The following TAFA1 variants were observed in gnomAD, a reference collection of about 807,000 sequenced individuals.
TAFA1 encodes the protein TAFA chemokine like family member 1.
Under a neutral mutation model 18.5 loss-of-function variants are expected in TAFA1, and 4 were observed. That is an observed-to-expected ratio of 0.22 (90% CI 0.11 to 0.49). TAFA1 has a LOEUF of 0.49. Among genes scored for constraint, TAFA1 ranks in the 20% least tolerant of loss-of-function variants. The pLI is 0.98. For synonymous variants in TAFA1, 56 were observed against 55.2 expected, an observed-to-expected ratio of 1.01 and a Z score of -0.06; for missense variants, 147 against 169.0, an observed-to-expected ratio of 0.87 and a Z score of 0.72.
rs377027684 is a variant in TAFA1 at position 68,469,401 on chromosome 3, G to A, written c.259+51981G>A. On this transcript the variant is annotated intron_variant, in intron 3 of 4. Coordinates refer to ENST00000478136, the MANE Select transcript of TAFA1 (RefSeq NM_213609.4). ...TTTGAAAAGTCAGAGAGGGCCGGGCGCAGTGGCTCACACCTGTAATTCCAG... is the reference window on the plus strand; with the variant it reads ...TTTGAAAAGTCAGAGAGGGCCGGGCACAGTGGCTCACACCTGTAATTCCAG... 7.2e-5 allele frequency among the ~76,000 whole-genome samples: 11 copies of A among 152,228 alleles called. No individual in the cohort carries two copies. The East Asian group carries it at 7.7e-4, about 11-fold the overall frequency.
At chr3:68,116,766 A>G (rs2065329516) in intron 2 of TAFA1, among the ~76,000 whole-genome samples, 2 of 152,198 alleles carry the variant, frequency 1.3e-5, no homozygotes, top group Non-Finnish European at 2.9e-5. Flanking sequence ...TTGTCTTCCA[A>G]GGCACAGAAC....
intron 3 of TAFA1, among the ~76,000 whole-genome samples, chr3:68,513,508 C>A (rs1323204440): frequency 1.3e-5 from 2 of 152,020 alleles, no homozygotes; most frequent in Non-Finnish European, 2.9e-5. Context: ...ATTTGACAGC[C>A]ATAGTGTTAG....
intron 2 of TAFA1, among the ~76,000 whole-genome samples, chr3:68,237,309 G>C (rs2066939455): frequency 6.6e-6 from 1 of 152,154 alleles, no homozygotes; most frequent in South Asian, 2.1e-4. Context: ...ATTTGTGAGG[G>C]CAGAGCTCTC....
intron 2 of TAFA1, among the ~76,000 whole-genome samples, chr3:68,315,997 G>A (rs187711881): frequency 6.6e-6 from 1 of 152,270 alleles, no homozygotes; most frequent in East Asian, 1.9e-4. Flanking sequence ...GCTCTGGAGG[G>A]CCCTGCATAT....
chr3:68,467,877 T>C (rs1312221354), intron 3 of TAFA1, among the ~76,000 whole-genome samples: 1 of 152,168 alleles, frequency 6.6e-6, no homozygotes, highest in African/African-American at 2.4e-5. Flanking sequence ...AAAAAAGAGT[T>C]CAGGGGAGCC....
At chr3:68,120,647 A>G (rs952604495) in intron 2 of TAFA1, among the ~76,000 whole-genome samples, 1 of 152,140 alleles carries the variant, frequency 6.6e-6, no homozygotes, top group Non-Finnish European at 1.5e-5. Context: ...AACTTAAAGA[A>G]AAGGGCCACA....
chr3:68,094,948 G>C (rs1201241293), intron 2 of TAFA1, among the ~76,000 whole-genome samples: 1 of 152,128 alleles, frequency 6.6e-6, no homozygotes. Flanking sequence ...TGATTAACAA[G>C]GAGTCATCTT....
chr3:68,112,891 A>G (rs2065277719), intron 2 of TAFA1, among the ~76,000 whole-genome samples: 2 of 151,918 alleles, frequency 1.3e-5, no homozygotes, highest in South Asian at 4.2e-4. Context: ...AAATGACAAA[A>G]CATTATTTAA....
chr3:68,508,386 C>T (rs2072795070), intron 3 of TAFA1, among the ~76,000 whole-genome samples: 1 of 152,048 alleles, frequency 6.6e-6, no homozygotes, highest in Non-Finnish European at 1.5e-5. Context: ...CTTAGGTTTG[C>T]CCTAAATCTT....
At chr3:68,359,907 A>G (rs2069438907) in intron 2 of TAFA1, among the ~76,000 whole-genome samples, 1 of 151,994 alleles carries the variant, frequency 6.6e-6, no homozygotes. Context: ...GATATGAGAC[A>G]TATTGAATAA....
intron 3 of TAFA1, among the ~76,000 whole-genome samples, chr3:68,436,478 A>T (rs561366125): frequency 2.0e-5 from 3 of 152,146 alleles, no homozygotes; most frequent in Non-Finnish European, 4.4e-5. Flanking sequence ...GACACCAATT[A>T]GTTTGGCTGA....
chr3:68,383,166 ACT>A (rs2070013942), intron 2 of TAFA1, among the ~76,000 whole-genome samples: 1 of 151,602 alleles, frequency 6.6e-6, no homozygotes, highest in African/African-American at 2.4e-5. Flanking sequence ...AGTTTGACTT[ACT>A]CTCTTTATTT....
At chr3:68,273,644 G>C (rs1172281103) in intron 2 of TAFA1, among the ~76,000 whole-genome samples, 16 of 152,182 alleles carry the variant, frequency 1.1e-4, no homozygotes, top group Admixed American at 3.3e-4. Flanking sequence ...TAGAAATTGT[G>C]ATTTGAAACC....
intron 2 of TAFA1, among the ~76,000 whole-genome samples, chr3:68,278,029 C>T (rs569697649): frequency 6.6e-6 from 1 of 152,096 alleles, no homozygotes; most frequent in South Asian, 2.1e-4. Flanking sequence ...TATCCTTACA[C>T]AAATGAGTGA....
At chr3:68,277,778 C>A (rs1237357892) in intron 2 of TAFA1, among the ~76,000 whole-genome samples, 2 of 152,122 alleles carry the variant, frequency 1.3e-5, no homozygotes. Flanking sequence ...GAGAGATACG[C>A]ACAAAAGCAT....
At chr3:68,542,758 C>T (rs1296107943) in intron 4 of TAFA1, among the ~76,000 whole-genome samples, 1 of 152,214 alleles carries the variant, frequency 6.6e-6, no homozygotes, top group Middle Eastern at 3.4e-3. Flanking sequence ...AGTTAAGAGA[C>T]AAATGGTGGT....
Position 68,528,652 on chromosome 3 carries a change from G to A in TAFA1, c.260-10104G>A, listed in dbSNP as rs1387214149. Among the ~76,000 whole-genome samples, 7 of 152,156 alleles carry A rather than the reference G, an allele frequency of 4.6e-5. No homozygotes were observed. In the East Asian group the frequency reaches 1.2e-3, roughly 25 times the overall value. On this transcript the variant is annotated intron_variant, in intron 3 of 4. Transcript: ENST00000478136. ...GGAGTTCTAGCCATTGCTTTAAATTGCATGACAGGTTGCACAAAAGTAAGT... is the reference window on the plus strand; with the variant it reads ...GGAGTTCTAGCCATTGCTTTAAATTACATGACAGGTTGCACAAAAGTAAGT...
intron 2 of TAFA1, among the ~76,000 whole-genome samples, chr3:68,413,503 CT>C (rs1340815990): frequency 4.6e-5 from 7 of 152,134 alleles, no homozygotes; most frequent in Non-Finnish European, 1.0e-4. Flanking sequence ...TGCTGTAAGT[CT>C]GTATCATCTC....
intron 2 of TAFA1, among the ~76,000 whole-genome samples, chr3:68,364,847 C>T (rs1329152512): frequency 6.6e-6 from 1 of 152,044 alleles, no homozygotes; most frequent in African/African-American, 2.4e-5. Context: ...TATTTTTATC[C>T]TCATTTTATA....
Sources: gnomAD v4.1 joint callset for allele counts (sites outside exome capture counted in the v4.1 genomes callset) on GRCh38, gnomAD v4.1.1 for gene constraint, MANE v1.5 for transcripts, NCBI Gene and HGNC (gene_info 2026-07-23, HGNC 2026-07-21) for gene names.